Variants in RTN4 observed in about 807,000 individuals in gnomAD.
RTN4 encodes the protein reticulon 4, also known as reticulon-4.
Under a neutral mutation model 90.4 loss-of-function variants are expected in RTN4, and 32 were observed. The observed-to-expected ratio is 0.35, with a 90% CI of 0.27 to 0.48. The LOEUF (loss-of-function observed/expected upper bound fraction) is 0.48. RTN4 is among the 20% of genes least tolerant of loss of function. The pLI, the probability that RTN4 is intolerant of heterozygous loss-of-function variation, is 0.99. For synonymous variants in RTN4, 629 were observed against 552.5 expected, an observed-to-expected ratio of 1.14 and a Z score of -1.94; for missense variants, 1,706 against 1,430.2, an observed-to-expected ratio of 1.19 and a Z score of -3.11.
chr2:55,084,680 G>A (rs72914511), intron 1 of RTN4, among the ~76,000 whole-genome samples: 6,334 of 152,246 alleles, frequency 0.042, 179 homozygotes, highest in African/African-American at 0.069. Context: ...ACTAGAGTAA[G>A]TGTCAGAACT....
intron 6 of RTN4, 29 bp from the exon 7 acceptor site, chr2:54,973,896 A>T: frequency 6.3e-7 from 1 of 1,591,760 alleles, no homozygotes; most frequent in Non-Finnish European, 8.6e-7. Flanking sequence ...AACTTTTCAA[A>T]AAGAACGGAA....
chr2:55,061,262 C>A (rs972406248), intron 2 of RTN4, among the ~76,000 whole-genome samples: 63 of 152,064 alleles, frequency 4.1e-4, no homozygotes, highest in African/African-American at 1.4e-3. Flanking sequence ...CGGGGTTTCA[C>A]CATGTTGGCC....
intron 1 of RTN4, among the ~76,000 whole-genome samples, chr2:55,041,273 C>T (rs949032161): frequency 5.9e-5 from 9 of 151,866 alleles, no homozygotes; most frequent in South Asian, 2.1e-4. Context: ...TTAATAAAAA[C>T]CACGTGTTTA....
chr2:55,108,420 G>A (rs764002185), intron 1 of RTN4, among the ~76,000 whole-genome samples: 15 of 152,046 alleles, frequency 9.9e-5, no homozygotes, highest in Non-Finnish European at 2.1e-4. Flanking sequence ...AGGGTGAAGG[G>A]GCTCCAGCAT....
chr2:55,042,549 G>T (rs572396747), intron 1 of RTN4, among the ~76,000 whole-genome samples: 14 of 152,126 alleles, frequency 9.2e-5, no homozygotes, highest in Non-Finnish European at 2.1e-4. Flanking sequence ...ACTAACAGAG[G>T]GTGGATCTAC....
chr2:55,128,816 G>A, the RTN4 span, among the ~76,000 whole-genome samples: 1 of 151,800 alleles, frequency 6.6e-6, no homozygotes, highest in Non-Finnish European at 1.5e-5. Context: ...AAAAAGGGGT[G>A]GGAGAGAGGG....
intron 1 of RTN4, among the ~76,000 whole-genome samples, chr2:55,032,593 TAAAC>T (rs1380591991): frequency 6.6e-6 from 1 of 151,586 alleles, no homozygotes. Flanking sequence ...GATTTATTGA[TAAAC>T]AAACTTAAAA....
intron 1 of RTN4, among the ~76,000 whole-genome samples, chr2:55,037,385 AG>A (rs1209644941): frequency 2.0e-5 from 3 of 152,346 alleles, no homozygotes; most frequent in African/African-American, 7.2e-5. Flanking sequence ...CTTGGAAAAC[AG>A]GGACAGTTTC....
At position 54,985,262 on chromosome 2, in the gene RTN4, C is replaced by T. The variant is rs903542191; in HGVS notation, c.3221+2229G>A. On this transcript the variant is annotated intron_variant, in intron 4 of 8. Transcript: ENST00000337526. Reference sequence around the variant, plus strand: ...GCAGCCTTGAACTCCTGGGTTCTAGCAATTTTCTTAGCTCAGCTGCCTGAA... The same window carrying T: ...GCAGCCTTGAACTCCTGGGTTCTAGTAATTTTCTTAGCTCAGCTGCCTGAA... Among the ~76,000 whole-genome samples, 7 of 136,620 alleles carry T rather than the reference C, an allele frequency of 5.1e-5. No homozygotes were observed. The South Asian group carries it at 7.2e-4, about 14-fold the overall frequency. 89.6% of individuals were successfully genotyped at this position (136,620 alleles called of 152,430 possible).
intron 6 of RTN4, 56 bp from the exon 7 acceptor site, chr2:54,973,923 A>C (rs1677375944): frequency 6.8e-7 from 1 of 1,471,830 alleles, no homozygotes; most frequent in Non-Finnish European, 9.4e-7. Context: ...GGGAGGAATA[A>C]ACACTCAAAA....
intron 7 of RTN4, 84 bp downstream of exon 7, chr2:54,973,737 G>A: frequency 6.7e-7 from 1 of 1,503,454 alleles, no homozygotes; most frequent in Non-Finnish European, 9.2e-7. Flanking sequence ...GTAAGACATT[G>A]AAAATGGGCA....
chr2:55,100,478 C>G (rs1376771442), intron 1 of RTN4, among the ~76,000 whole-genome samples: 1 of 152,094 alleles, frequency 6.6e-6, no homozygotes, highest in Non-Finnish European at 1.5e-5. Flanking sequence ...ATTCTTTCGT[C>G]AGGTTCGAGG....
the RTN4 span, among the ~76,000 whole-genome samples, chr2:55,133,749 C>G: frequency 1.3e-5 from 2 of 152,256 alleles, no homozygotes; most frequent in South Asian, 4.1e-4. Context: ...CTAAGGAGAC[C>G]CAGCAGCCAC....
At chr2:55,102,468 CTTTA>C (rs1298337249) in intron 1 of RTN4, among the ~76,000 whole-genome samples, 1 of 152,172 alleles carries the variant, frequency 6.6e-6, no homozygotes, top group Non-Finnish European at 1.5e-5. Context: ...TTCAATAAAA[CTTTA>C]TTTGTGGACG....
intron 1 of RTN4, among the ~76,000 whole-genome samples, chr2:55,037,521 T>G (rs2104923178): frequency 6.6e-6 from 1 of 152,332 alleles, no homozygotes; most frequent in East Asian, 1.9e-4. Flanking sequence ...CATCTCAGTG[T>G]TGCTCCATGT....
At chr2:55,065,882 T>G (rs1444339849) in intron 2 of RTN4, among the ~76,000 whole-genome samples, 1 of 152,192 alleles carries the variant, frequency 6.6e-6, no homozygotes, top group Non-Finnish European at 1.5e-5. Flanking sequence ...TACTCTATAC[T>G]TGATTTGGAT....
At chr2:54,992,894 C>T (rs918221072) in intron 3 of RTN4, among the ~76,000 whole-genome samples, 1 of 151,548 alleles carries the variant, frequency 6.6e-6, no homozygotes, top group African/African-American at 2.4e-5. Flanking sequence ...ACGGTGAAAC[C>T]CCGTCTCTAC....
chr2:54,993,074 GGAAAAA>G (rs1679144798), intron 3 of RTN4, among the ~76,000 whole-genome samples: 2 of 79,000 alleles, frequency 2.5e-5, no homozygotes, highest in Admixed American at 1.3e-4. Context: ...ACTCCATCTC[GGAAAAA>G]AAAAAAAAAA....
At chr2:55,057,485 A>G (rs1668210013) in intron 2 of RTN4, among the ~76,000 whole-genome samples, 1 of 152,208 alleles carries the variant, frequency 6.6e-6, no homozygotes. Context: ...GTACTCAATC[A>G]ATAGTAATTA....
Sources: allele counts gnomAD v4.1 joint callset (sites outside exome capture counted in the v4.1 genomes callset), GRCh38; gene constraint gnomAD v4.1.1; transcripts MANE v1.5; gene names NCBI Gene and HGNC (gene_info 2026-07-23, HGNC 2026-07-21).